PALM: variants seen among roughly 807,000 people sequenced by gnomAD.
PALM encodes the protein paralemmin-1.
In PALM, 18 loss-of-function variants were observed where a neutral mutation model predicts 30.7. The observed-to-expected ratio is 0.59, with a 90% CI of 0.41 to 0.87. PALM has a LOEUF of 0.87. Ranked by LOEUF, PALM falls within the 40% of genes least tolerant of loss-of-function variation. PALM has a pLI of 0.00. For synonymous variants in PALM, 286 were observed against 242.8 expected (o/e 1.18, Z -1.66); for missense variants, 529 against 555.4 (o/e 0.95, Z 0.48).
intron 5 of PALM, among the ~76,000 whole-genome samples, chr19:732,022 G>C (rs2032893425): frequency 6.6e-6 from 1 of 151,862 alleles, no homozygotes; most frequent in African/African-American, 2.4e-5. Flanking sequence ...ACCCAGGCCA[G>C]CCAGAGTGCA....
Position 731,075 on chromosome 19 carries a change from C to G in PALM, c.270-20C>G, listed in dbSNP as rs749001740. On this transcript the variant is annotated intron_variant, in intron 4 of 8. Coordinates refer to ENST00000338448, the MANE Select transcript of PALM (RefSeq NM_002579.3). ...ACCGGGGATGCAGGAGTCACCCTCA[C>G]AGGCACACCCTCTCCCCAGGTTGGA... is the stretch of plus-strand genomic sequence containing the variant. 1.3e-6 allele frequency: 2 copies of G among 1,535,512 alleles called. No individual in the cohort carries two copies. Among genetic ancestry groups the G allele is most frequent in the South Asian group, 2.4e-5 (2 of 82,204 alleles).
At chr19:741,319 G>A (rs1599167020) in intron 8 of PALM, among the ~76,000 whole-genome samples, 2 of 152,120 alleles carry the variant, frequency 1.3e-5, no homozygotes, top group East Asian at 1.9e-4. Context: ...TGGCAGAGCC[G>A]CAGCCCCTGC....
intron 2 of PALM, among the ~76,000 whole-genome samples, chr19:726,638 G>A (rs1011194711): frequency 2.0e-5 from 3 of 152,052 alleles, no homozygotes; most frequent in Non-Finnish European, 4.4e-5. Context: ...GAGTAGCTGG[G>A]ATTATGAGTG....
In PALM at chr19:742,703, G is replaced by C. The variant is rs1379468423; in HGVS notation, c.634+2220G>C. Among the ~76,000 whole-genome samples, 3 of 152,072 alleles carry C rather than the reference G, an allele frequency of 2.0e-5. No homozygotes were observed. The highest frequency in any genetic ancestry group is 7.2e-5 in the African/African-American group (3 of 41,400). ...TCTCACTGGGCGTGACGTCCCCAAG[G>C]TGCATCGGCACTGTGGCCTGGGTCG... On this transcript the variant is annotated intron_variant, in intron 8 of 8. Transcript: ENST00000338448. This position sits in a 1 kb window ranked among gnomAD's most constrained non-coding sequence, Gnocchi z 5.5.
chr19:714,483 C>T (rs1254354710), intron 1 of PALM, among the ~76,000 whole-genome samples: 13 of 149,806 alleles, frequency 8.7e-5, no homozygotes, highest in East Asian at 2.0e-4. Context: ...CTCAGCCTCC[C>T]GAGTAGCTGG....
chr19:722,686 C>G (rs533916797), intron 1 of PALM: 1 of 152,430 alleles, frequency 6.6e-6, no homozygotes, highest in Non-Finnish European at 1.5e-5. Flanking sequence ...AGGGAACGCA[C>G]AGTGGATGGT....
chr19:712,766 C>T (rs1194056360), intron 1 of PALM, among the ~76,000 whole-genome samples: 1 of 151,498 alleles, frequency 6.6e-6, no homozygotes, highest in Non-Finnish European at 1.5e-5. Flanking sequence ...ACCTCTGCCT[C>T]CTGGGTTCAA....
intron 6 of PALM, chr19:735,046 T>C (rs940266860): frequency 6.1e-5 from 60 of 986,058 alleles, no homozygotes; most frequent in East Asian, 5.7e-4. Context: ...ATCACTGGGC[T>C]GAGGATGAGG....
At chr19:730,828 T>A (rs933092275) in intron 4 of PALM, among the ~76,000 whole-genome samples, 1 of 152,012 alleles carries the variant, frequency 6.6e-6, no homozygotes, top group African/African-American at 2.4e-5. Flanking sequence ...GGTGAAACCC[T>A]GTCTCTGCTA....
intron 8 of PALM, among the ~76,000 whole-genome samples, chr19:744,433 A>G (rs1192350966): frequency 1.3e-5 from 2 of 151,812 alleles, no homozygotes; most frequent in Non-Finnish European, 2.9e-5. Flanking sequence ...GAATAACATC[A>G]TCTAACTCGT....
intron 1 of PALM, among the ~76,000 whole-genome samples, chr19:724,527 G>A (rs1308108065): frequency 6.6e-6 from 1 of 151,978 alleles, no homozygotes; most frequent in Admixed American, 6.6e-5. Context: ...CACCATGTTG[G>A]GCAGGCTGGT....
At chr19:711,299 T>A (rs931111042) in intron 1 of PALM, 6 of 494,022 alleles carry the variant, frequency 1.2e-5, no homozygotes, top group Non-Finnish European at 1.6e-5. Flanking sequence ...ACACATGGTC[T>A]GGCTGGTAAA....
At chr19:739,928 G>C (rs571134590) in intron 7 of PALM, among the ~76,000 whole-genome samples, 15 of 152,308 alleles carry the variant, frequency 9.8e-5, no homozygotes, top group African/African-American at 3.6e-4. Context: ...ACACCACTGT[G>C]CTCCAGCCGG....
intron 1 of PALM, among the ~76,000 whole-genome samples, chr19:713,569 T>C (rs1599133197): frequency 6.6e-6 from 1 of 152,200 alleles, no homozygotes; most frequent in Admixed American, 6.6e-5. Context: ...CCCTAGGAAA[T>C]TGGCTTATGT....
intron 8 of PALM, among the ~76,000 whole-genome samples, chr19:741,638 C>T (rs1399242243): frequency 6.6e-6 from 1 of 151,832 alleles, no homozygotes; most frequent in Admixed American, 6.6e-5. Context: ...GGGTGCTTTG[C>T]CTGGAGGCAG....
intron 1 of PALM, among the ~76,000 whole-genome samples, chr19:710,377 CAG>C (rs1048016068): frequency 2.0e-5 from 3 of 152,192 alleles, no homozygotes; most frequent in African/African-American, 7.2e-5. Flanking sequence ...GCCAGGGGCT[CAG>C]GGGAGCCAGG....
intron 1 of PALM, among the ~76,000 whole-genome samples, chr19:711,458 C>T (rs548842943): frequency 4.6e-5 from 7 of 152,312 alleles, no homozygotes; most frequent in Admixed American, 2.0e-4. Flanking sequence ...TCCCTGCTCG[C>T]AGACCTGGAA....
At chr19:711,108 T>C in intron 1 of PALM, 1 of 720,808 alleles carries the variant, frequency 1.4e-6, no homozygotes, top group African/African-American at 1.9e-5. Context: ...TAAAGAATTT[T>C]AAATGTCATT....
In PALM at chr19:709,537, T is replaced by G. The variant is rs1031346267; in HGVS notation, c.5+386T>G. 6.6e-6 allele frequency among the ~76,000 whole-genome samples: 1 copy of G among 151,960 alleles called. No homozygotes were observed. The highest frequency in any genetic ancestry group is 1.5e-5 in the Non-Finnish European group (1 of 67,960). ...GAGATGGAGCGACCCCTCCCCAGATTGCACCGGTCCGGCCTCGCGCTCACG... is the reference window on the plus strand; with the variant it reads ...GAGATGGAGCGACCCCTCCCCAGATGGCACCGGTCCGGCCTCGCGCTCACG... On this transcript the variant is annotated intron_variant, in intron 1 of 8. Transcript: ENST00000338448. This position sits in a 1 kb window ranked among gnomAD's most constrained non-coding sequence, Gnocchi z 4.3.
Sources: gnomAD v4.1 joint callset for allele counts (sites outside exome capture counted in the v4.1 genomes callset) on GRCh38, gnomAD v4.1.1 for gene constraint, Gnocchi (gnomAD v3.1) non-coding constraint, MANE v1.5 for transcripts, NCBI Gene and HGNC (gene_info 2026-07-23, HGNC 2026-07-21) for gene names.